Variants in UGT2B4 observed in about 807,000 individuals in gnomAD.
The protein encoded by UGT2B4 is UDP glucuronosyltransferase family 2 member B4.
A neutral mutation model predicts 49.8 loss-of-function variants in UGT2B4; 49 were observed. The ratio of observed to expected loss-of-function variants is 0.98; its 90% confidence interval spans 0.78 to 1.25. The LOEUF is 1.25. Ranked by LOEUF, UGT2B4 falls within the 50% of genes most tolerant of loss-of-function variation. UGT2B4 has a pLI of 0.00. For missense variants in UGT2B4, 729 were observed against 627.7 expected (o/e 1.16, Z -1.73); for synonymous variants, 246 against 217.7 (o/e 1.13, Z -1.14).
At position 69,504,019 on chromosome 4, in the gene UGT2B4, C is replaced by G. The variant is rs28837764; in HGVS notation, c.-105-8053G>C. ...AAACAAAGCCAATTGGCTGAATTCA[C>G]CTTATATCACAATGAACCCTCAAGG... On this transcript the variant is annotated intron_variant, in intron 1 of 1. Coordinates refer to the UGT2B4 transcript ENST00000510114. Among the ~76,000 whole-genome samples, 1,402 of 152,228 alleles carry G rather than the reference C, an allele frequency of 9.2e-3. 28 individuals carry two copies. The highest frequency in any genetic ancestry group is 0.032 in the African/African-American group (1,348 of 41,546).
intron 1 of UGT2B4, among the ~76,000 whole-genome samples, chr4:69,521,861 T>C (rs927976803): frequency 2.0e-5 from 3 of 152,226 alleles, no homozygotes; most frequent in African/African-American, 4.8e-5. Context: ...TTCTCAATTA[T>C]AAGCAGAATA....
intron 1 of UGT2B4, among the ~76,000 whole-genome samples, chr4:69,521,678 G>A (rs1416624181): frequency 6.6e-6 from 1 of 152,158 alleles, no homozygotes; most frequent in Non-Finnish European, 1.5e-5. Context: ...GGCCAAGTGG[G>A]TAGAATGAGT....
chr4:69,520,407 T>C (rs1242711564), intron 1 of UGT2B4, among the ~76,000 whole-genome samples: 2 of 152,180 alleles, frequency 1.3e-5, no homozygotes, highest in Non-Finnish European at 2.9e-5. Flanking sequence ...GCCCCATCCT[T>C]TTCTGAGTTG....
At chr4:69,524,432 C>T (rs1303435400) in intron 1 of UGT2B4, among the ~76,000 whole-genome samples, 2 of 151,736 alleles carry the variant, frequency 1.3e-5, no homozygotes, top group Non-Finnish European at 2.9e-5. Flanking sequence ...AAAAGTGGTT[C>T]ATGGGGCACT....
chr4:69,488,306 A>C (rs1323677739), intron 3 of UGT2B4, among the ~76,000 whole-genome samples: 1 of 152,206 alleles, frequency 6.6e-6, no homozygotes, highest in Non-Finnish European at 1.5e-5. Context: ...AATGTGCTAC[A>C]AAATTTTGAC....
rs1327439216 is a variant in UGT2B4, at chr4:69,495,709, A to G, written c.153T>C (p.His51=). 3 of 1,614,082 alleles carry G rather than the reference A, an allele frequency of 1.9e-6. No individual in the cohort carries two copies. Among genetic ancestry groups the G allele is most frequent in the Non-Finnish European group, 2.5e-6 (3 of 1,179,970 alleles). ...TILDELVQRG[H]EVTVLASSAS... ...CTGAAGATGCCAATACAGTCACCTCATGACCTCTCTGGACAAGTTCATCCA... is the reference window on the plus strand; with the variant it reads ...CTGAAGATGCCAATACAGTCACCTCGTGACCTCTCTGGACAAGTTCATCCA... Residue 51 remains histidine (H), a synonymous_variant, in exon 1 of 6, where the codon CAT becomes CAC. Transcript: ENST00000305107.
In UGT2B4 at chr4:69,503,163, G is replaced by T. The variant is rs547699276; in HGVS notation, c.-105-7197C>A. On this transcript the variant is annotated intron_variant, in intron 1 of 1. Transcript: ENST00000510114. ...GGAACTGTCAAACCTGGTCTTTTCC[G>T]GGCAATTCTGCACATCAGATGAGGC... Among the ~76,000 whole-genome samples, 7 of 152,216 alleles carry T rather than the reference G, an allele frequency of 4.6e-5. No homozygotes were observed. In the South Asian group the frequency reaches 1.4e-3, roughly 32 times the overall value.
intron 1 of UGT2B4, among the ~76,000 whole-genome samples, chr4:69,506,686 G>T (rs1728476869): frequency 6.6e-6 from 1 of 151,352 alleles, no homozygotes; most frequent in South Asian, 2.1e-4. Flanking sequence ...CTATTTCAAA[G>T]AATTGTGGAA....
chr4:69,495,179 T>A lies in UGT2B4; in HGVS notation c.683A>T (p.Asp228Val). ...GTAGAACTGATCCCACTTCTTCATG[T>A]CAAATATTTGGAACCAAAATTCAAA... ...LYFEFWFQIF[D>V]MKKWDQFYSE... Residue 228 changes from aspartate (D) to valine (V), a missense_variant, in exon 1 of 6, where the codon GAC becomes GTC. Physicochemically the swap from Asp to Val is radical, Grantham distance 152. Transcript: ENST00000305107. The A allele has an allele frequency of 6.3e-7, 1 of 1,579,886 alleles. No individual in the cohort carries two copies. The highest frequency in any genetic ancestry group is 1.2e-5 in the South Asian group (1 of 84,210).
chr4:69,515,218 C>T lies in UGT2B4; in HGVS notation c.-106+10469G>A, dbSNP rs182693519. On this transcript the variant is annotated intron_variant, in intron 1 of 1. Coordinates refer to the UGT2B4 transcript ENST00000510114. ...CTTTACCCAAATTTAACAGAATATA[C>T]ATTCTTATCACCACATGGCACTTTC... Among the ~76,000 whole-genome samples the T allele has an allele frequency of 2.0e-5, 3 of 152,278 alleles. No individual in the cohort carries two copies. In the East Asian group the frequency reaches 5.8e-4, roughly 29 times the overall value.
chr4:69,481,322 T>A (rs1727585868), intron 5 of UGT2B4, among the ~76,000 whole-genome samples: 1 of 152,060 alleles, frequency 6.6e-6, no homozygotes, highest in Admixed American at 6.6e-5. Context: ...CACGAAAGGT[T>A]TTTAAAGTGC....
At chr4:69,500,572 A>G (rs369273098), upstream of UGT2B4, among the ~76,000 whole-genome samples, 2 of 148,806 alleles carry the variant, frequency 1.3e-5, no homozygotes, top group Non-Finnish European at 3.0e-5. Flanking sequence ...AAGAAAAGAA[A>G]GCAAGAAAGC....
upstream of UGT2B4, among the ~76,000 whole-genome samples, chr4:69,499,710 C>T (rs906314137): frequency 6.6e-6 from 1 of 152,088 alleles, no homozygotes; most frequent in African/African-American, 2.4e-5. Flanking sequence ...TTTCTATTTG[C>T]TTGGTAAATT....
In UGT2B4 at chr4:69,480,787, A is replaced by G. The variant is rs567459900; in HGVS notation, c.1434T>C (p.Val478=). The change falls in exon 6 of 6, where the codon GTT becomes GTC. Residue 478 remains valine, a synonymous_variant. Transcript: ENST00000305107. ...GGAACCAGGTGAGGTCGTGGGCTGC[A>G]ACCCGAAGGTGCTTGGCTCCTTTAT... ...MRHKGAKHLR[V]AAHDLTWFQY... is the part of the protein sequence containing the mutation. The G allele has an allele frequency of 6.2e-7, 1 of 1,614,004 alleles. No individual in the cohort carries two copies. Among genetic ancestry groups the G allele is most frequent in the South Asian group, 1.1e-5 (1 of 91,076 alleles).
At chr4:69,500,669 G>GAAAGAAA (rs1194966473), upstream of UGT2B4, among the ~76,000 whole-genome samples, 2 of 107,046 alleles carry the variant, frequency 1.9e-5, no homozygotes, top group African/African-American at 2.9e-5. Context: ...AAGAAAGAAA[G>GAAAGAAA]GAAGGAAAGA....
chr4:69,516,726 T>C (rs6836321), intron 1 of UGT2B4, among the ~76,000 whole-genome samples: 53,391 of 151,742 alleles, frequency 0.35, 9,488 homozygotes, highest in Non-Finnish European at 0.37. Context: ...CATGTTTCAG[T>C]CTCTCGGAGT....
At chr4:69,518,004 G>A (rs1229318950) in intron 1 of UGT2B4, 1 of 153,022 alleles carries the variant, frequency 6.5e-6, no homozygotes, top group African/African-American at 2.4e-5. Flanking sequence ...GTGTCTGATT[G>A]TAGGCAAAAC....
chr4:69,495,718 C>G lies in UGT2B4; in HGVS notation c.144G>C (p.Gln48His). 1 of 1,614,102 alleles carries G rather than the reference C, an allele frequency of 6.2e-7. No individual in the cohort carries two copies. ...NIKTILDELV[Q>H]RGHEVTVLAS... ...CCAATACAGTCACCTCATGACCTCTCTGGACAAGTTCATCCAGGATTGTCT... is the reference window on the plus strand; with the variant it reads ...CCAATACAGTCACCTCATGACCTCTGTGGACAAGTTCATCCAGGATTGTCT... Residue 48 changes from glutamine (Q) to histidine (H), a missense_variant, in exon 1 of 6, where the codon CAG (glutamine) becomes CAC (histidine). Transcript: ENST00000305107.
intron 4 of UGT2B4, among the ~76,000 whole-genome samples, chr4:69,486,183 G>T (rs1727775249): frequency 6.6e-6 from 1 of 152,178 alleles, no homozygotes; most frequent in Non-Finnish European, 1.5e-5. Flanking sequence ...TATGAAATGT[G>T]TCATCACTTT....
Sources: gnomAD v4.1 joint callset for allele counts (sites outside exome capture counted in the v4.1 genomes callset) on GRCh38, gnomAD v4.1.1 for gene constraint, MANE v1.5 for transcripts, NCBI Gene and HGNC (gene_info 2026-07-23, HGNC 2026-07-21) for gene names.